The following TENM2 variants were observed in gnomAD, a reference collection of about 807,000 sequenced individuals.
TENM2 encodes teneurin transmembrane protein 2.
TENM2 carries 52 observed loss-of-function variants against 245.2 expected under a neutral mutation model. That is an observed-to-expected ratio of 0.21 (90% CI 0.17 to 0.27). The LOEUF (loss-of-function observed/expected upper bound fraction) is 0.27, where lower values mean the gene tolerates loss of function less well. Ranked by LOEUF, TENM2 falls within the 10% of genes least tolerant of loss-of-function variation. The probability of loss-of-function intolerance (pLI) is 1.00; values close to 1 mark genes in which losing one functional copy is unlikely to be tolerated. For missense variants in TENM2, 3,046 were observed against 3,666.8 expected (o/e 0.83, Z 4.37); for synonymous variants, 1,363 against 1,438.9 (o/e 0.95, Z 1.19).
the TENM2 span, among the ~76,000 whole-genome samples, chr5:167,212,045 T>C: frequency 6.6e-6 from 1 of 152,196 alleles, no homozygotes; most frequent in East Asian, 1.9e-4. Context: ...GCGTTTCTCA[T>C]AGTTTCAGAC....
At chr5:167,531,465 C>A (rs951294434) in intron 2 of TENM2, among the ~76,000 whole-genome samples, 30 of 152,118 alleles carry the variant, frequency 2.0e-4, no homozygotes, top group Admixed American at 7.2e-4. Flanking sequence ...TCTGACACGT[C>A]CATCACTTCA....
chr5:167,191,953 C>T, the TENM2 span, among the ~76,000 whole-genome samples: 77 of 152,062 alleles, frequency 5.1e-4, no homozygotes, highest in African/African-American at 1.7e-3. Context: ...GACATGTTGC[C>T]GGATCCATTA....
intron 2 of TENM2, among the ~76,000 whole-genome samples, chr5:167,595,466 T>A (rs1267673503): frequency 6.6e-6 from 1 of 152,184 alleles, no homozygotes; most frequent in Non-Finnish European, 1.5e-5. Context: ...TGACATGAAG[T>A]CTAACCTCAG....
At chr5:167,912,799 T>C (rs1233325831) in intron 3 of TENM2, among the ~76,000 whole-genome samples, 1 of 152,156 alleles carries the variant, frequency 6.6e-6, no homozygotes, top group Non-Finnish European at 1.5e-5. Flanking sequence ...ATTTTGAATA[T>C]AGAAATTCAA....
In TENM2 at chr5:168,225,232, A is replaced by G. The variant is rs116745085; in HGVS notation, c.5109-856A>G. 9.5e-3 allele frequency among the ~76,000 whole-genome samples: 1,442 copies of G among 152,252 alleles called. 26 individuals carry two copies. The highest frequency in any genetic ancestry group is 0.033 in the African/African-American group (1,361 of 41,548). The stretch of plus-strand genomic sequence containing the variant: ...CAGCCAGGCCTTCTATGCTGAGCCA[A>G]TTTGTGCAGGTGGCATTTGGCACAG... On this transcript the variant is annotated intron_variant, in intron 23 of 28. Transcript: ENST00000518659.
chr5:167,765,360 A>C (rs1341375869), intron 2 of TENM2, among the ~76,000 whole-genome samples: 1 of 152,172 alleles, frequency 6.6e-6, no homozygotes, highest in Admixed American at 6.5e-5. Flanking sequence ...CAGAAGGTGC[A>C]GTTGTCTTCT....
intron 2 of TENM2, among the ~76,000 whole-genome samples, chr5:167,531,216 T>C (rs968095063): frequency 6.6e-6 from 1 of 152,186 alleles, no homozygotes; most frequent in Non-Finnish European, 1.5e-5. Context: ...TGTACAGGAA[T>C]GCCCTGTGCT....
At chr5:167,871,444 A>G (rs1246383809) in intron 2 of TENM2, among the ~76,000 whole-genome samples, 1 of 152,196 alleles carries the variant, frequency 6.6e-6, no homozygotes, top group Non-Finnish European at 1.5e-5. Flanking sequence ...AGTTCAAACT[A>G]TCACTAAATT....
chr5:166,988,725 G>A, the TENM2 span, among the ~76,000 whole-genome samples: 19 of 152,308 alleles, frequency 1.2e-4, no homozygotes, highest in African/African-American at 4.3e-4. Context: ...TGGCCTGGCT[G>A]GAGCCCTCCA....
At chr5:167,952,588 G>T in exon 4 of TENM2, 1 of 1,594,286 alleles carries the variant, frequency 6.3e-7, no homozygotes, top group Admixed American at 1.8e-5. Context: ...TTTTTTTCAG[G>T]CCCTCCGAAC....
intron 3 of TENM2, among the ~76,000 whole-genome samples, chr5:167,917,911 C>T (rs1001777611): frequency 2.0e-5 from 3 of 152,120 alleles, no homozygotes; most frequent in Non-Finnish European, 4.4e-5. Flanking sequence ...AATAAAGAAT[C>T]TGTGTAACCG....
intron 2 of TENM2, among the ~76,000 whole-genome samples, chr5:167,478,803 A>G (rs369965034): frequency 7.2e-4 from 110 of 152,176 alleles, no homozygotes; most frequent in African/African-American, 2.6e-3. Context: ...TCGGTTTTGC[A>G]TTTTTCTTTG....
intron 2 of TENM2, among the ~76,000 whole-genome samples, chr5:167,475,506 C>G (rs1329146635): frequency 6.6e-6 from 1 of 151,798 alleles, no homozygotes; most frequent in Non-Finnish European, 1.5e-5. Context: ...ACTTTAAGTT[C>G]TGGGATACAT....
chr5:167,134,604 G>A, the TENM2 span, among the ~76,000 whole-genome samples: 5 of 152,200 alleles, frequency 3.3e-5, no homozygotes, highest in Admixed American at 2.0e-4. Context: ...TAGACGCTGA[G>A]CCTGGTTTGG....
intron 2 of TENM2, among the ~76,000 whole-genome samples, chr5:167,743,283 G>C (rs1761321777): frequency 6.6e-6 from 1 of 152,098 alleles, no homozygotes; most frequent in African/African-American, 2.4e-5. Context: ...CTTTAAAGCT[G>C]CTTGGCCCCT....
chr5:167,312,259 T>C (rs1756078615), intron 1 of TENM2, among the ~76,000 whole-genome samples: 1 of 152,210 alleles, frequency 6.6e-6, no homozygotes, highest in South Asian at 2.1e-4. Flanking sequence ...TTTTAAACTA[T>C]TATTTAAAGA....
intron 2 of TENM2, among the ~76,000 whole-genome samples, chr5:167,438,043 T>C (rs566512447): frequency 7.9e-5 from 12 of 152,352 alleles, no homozygotes; most frequent in Non-Finnish European, 1.3e-4. Flanking sequence ...TCATTACTTA[T>C]TAATAATCCA....
chr5:168,254,841 G>A (rs1190220707), intron 27 of TENM2, among the ~76,000 whole-genome samples: 1 of 152,158 alleles, frequency 6.6e-6, no homozygotes, highest in African/African-American at 2.4e-5. Flanking sequence ...GAGGTCAGGA[G>A]TTCAAGACCA....
At chr5:167,690,211 C>G (rs1372792070) in intron 2 of TENM2, among the ~76,000 whole-genome samples, 1 of 149,196 alleles carries the variant, frequency 6.7e-6, no homozygotes, top group Non-Finnish European at 1.5e-5. Flanking sequence ...ACATGTCAAG[C>G]CATTATATTG....
Sources: allele counts gnomAD v4.1 joint callset (sites outside exome capture counted in the v4.1 genomes callset), GRCh38; gene constraint gnomAD v4.1.1; transcripts MANE v1.5; gene names NCBI Gene and HGNC (gene_info 2026-07-23, HGNC 2026-07-21).